JAK2: variants seen among roughly 807,000 people sequenced by gnomAD.
The protein encoded by JAK2 is Janus kinase 2, also known as tyrosine-protein kinase JAK2.
In JAK2, 86 loss-of-function variants were observed where a neutral mutation model predicts 139.3. The observed-to-expected ratio is 0.62, with a 90% confidence interval of 0.52 to 0.74. The LOEUF is 0.74. JAK2 is among the 30% of genes least tolerant of loss of function. The probability of loss-of-function intolerance (pLI) is 0.00; values close to 1 mark genes in which losing one functional copy is unlikely to be tolerated. For missense variants in JAK2, 1,421 were observed against 1,360.3 expected, an observed-to-expected ratio of 1.04 and a Z score of -0.70; for synonymous variants, 490 against 437.7, an observed-to-expected ratio of 1.12 and a Z score of -1.49.
intron 22 of JAK2, chr9:5,097,076 A>T (rs1586786552): frequency 6.6e-6 from 1 of 152,096 alleles, no homozygotes; most frequent in Admixed American, 6.5e-5. Context: ...AACCTAACAC[A>T]TGCAGGATCC....
At chr9:5,125,485 T>A (rs1564028810) in intron 23 of JAK2, among the ~76,000 whole-genome samples, 1 of 151,466 alleles carries the variant, frequency 6.6e-6, no homozygotes. Flanking sequence ...AACATCCTCA[T>A]GCATAAATAT....
chr9:4,993,267 T>G (rs6476934), intron 2 of JAK2, among the ~76,000 whole-genome samples: 7,902 of 152,284 alleles, frequency 0.052, 286 homozygotes, highest in African/African-American at 0.11. Context: ...AAAGGATCTA[T>G]GAGGTACTGA....
intron 2 of JAK2, 99 bp from the exon 3 acceptor site, chr9:5,021,864 C>T: frequency 1.6e-6 from 1 of 644,608 alleles, no homozygotes; most frequent in Non-Finnish European, 2.7e-6. Context: ...AACTTCTGGG[C>T]TCAAGCTATC....
intron 22 of JAK2, among the ~76,000 whole-genome samples, chr9:5,104,544 T>TCC (rs1269901370): frequency 1.3e-5 from 2 of 152,318 alleles, no homozygotes; most frequent in East Asian, 3.9e-4. Context: ...GAGGGAATCC[T>TCC]CCCTAACTCA....
intron 2 of JAK2, among the ~76,000 whole-genome samples, chr9:5,002,251 C>G (rs923082344): frequency 5.3e-5 from 8 of 151,726 alleles, no homozygotes; most frequent in Non-Finnish European, 1.0e-4. Flanking sequence ...AATTTCATAT[C>G]TTTCTTCTTT....
At chr9:4,986,385 T>A (rs1819952336) in intron 2 of JAK2, among the ~76,000 whole-genome samples, 1 of 152,186 alleles carries the variant, frequency 6.6e-6, no homozygotes, top group East Asian at 1.9e-4. Flanking sequence ...CGTTAGCTAT[T>A]CTTGCTGGGG....
intron 22 of JAK2, chr9:5,097,960 C>T (rs901664135): frequency 2.6e-5 from 4 of 152,276 alleles, no homozygotes; most frequent in East Asian, 1.9e-4. Flanking sequence ...TTGGCCTATC[C>T]GGTATGCCGC....
In JAK2 at chr9:5,127,837, G is replaced by C; in HGVS notation, c.*1046G>C. 1 of 232,482 alleles carries C rather than the reference G, an allele frequency of 4.3e-6. No individual in the cohort carries two copies. Among genetic ancestry groups the C allele is most frequent in the East Asian group, 6.0e-5 (1 of 16,576 alleles). The allele number at this position is 232,482 out of a possible 1,614,324, so 14.4% of individuals were successfully genotyped here. On this transcript the variant is annotated 3_prime_UTR_variant, in exon 25 of 25. Transcript: ENST00000381652. ...TATATTTGAGGGGTTTCAGAATTTTGCATTGCAGTCATAGAAGAGATTTAT... is the reference window on the plus strand; with the variant it reads ...TATATTTGAGGGGTTTCAGAATTTTCCATTGCAGTCATAGAAGAGATTTAT...
chr9:5,065,974 C>T (rs752399909), intron 9 of JAK2, among the ~76,000 whole-genome samples: 2 of 152,096 alleles, frequency 1.3e-5, no homozygotes, highest in African/African-American at 4.8e-5. Context: ...CTGTAATTTA[C>T]ATGTTTAATA....
intron 9 of JAK2, among the ~76,000 whole-genome samples, chr9:5,065,246 A>G (rs1327118236): frequency 6.6e-6 from 1 of 152,236 alleles, no homozygotes; most frequent in Non-Finnish European, 1.5e-5. Context: ...TATAATATTT[A>G]TAAGTTGTAC....
chr9:5,072,668 T>A, intron 13 of JAK2, 42 bp downstream of exon 13: 1 of 1,470,670 alleles, frequency 6.8e-7, no homozygotes. Flanking sequence ...TTATGCTGTT[T>A]AAAGATGTGC....
intron 2 of JAK2, among the ~76,000 whole-genome samples, chr9:4,987,984 G>A (rs548953877): frequency 1.3e-5 from 2 of 152,142 alleles, no homozygotes; most frequent in East Asian, 3.9e-4. Flanking sequence ...AGAGATAAAG[G>A]ACTTCAAGGT....
At chr9:5,121,128 A>G (rs942711021) in intron 22 of JAK2, among the ~76,000 whole-genome samples, 1 of 152,196 alleles carries the variant, frequency 6.6e-6, no homozygotes, top group Admixed American at 6.5e-5. Flanking sequence ...AGTGTTGGGA[A>G]AGTATAATTG....
At chr9:5,119,462 G>A (rs1823452270) in intron 22 of JAK2, among the ~76,000 whole-genome samples, 1 of 151,824 alleles carries the variant, frequency 6.6e-6, no homozygotes, top group Non-Finnish European at 1.5e-5. Flanking sequence ...TATAAGCTTT[G>A]GGACCTGTAT....
intron 4 of JAK2, among the ~76,000 whole-genome samples, chr9:5,040,107 A>G (rs1189894301): frequency 1.3e-5 from 2 of 152,240 alleles, no homozygotes; most frequent in Non-Finnish European, 2.9e-5. Context: ...AAGGATGAAT[A>G]TACAGATTAA....
intron 8 of JAK2, among the ~76,000 whole-genome samples, chr9:5,057,551 C>A (rs1817850860): frequency 6.6e-6 from 1 of 151,078 alleles, no homozygotes; most frequent in South Asian, 2.1e-4. Context: ...TCCCCCTCTT[C>A]CCAATCCTTG....
intron 2 of JAK2, among the ~76,000 whole-genome samples, chr9:4,989,122 T>G (rs1457589894): frequency 6.6e-6 from 1 of 152,198 alleles, no homozygotes; most frequent in Admixed American, 6.5e-5. Flanking sequence ...CATTTTCTAC[T>G]TATTAAATTT....
At chr9:5,008,976 T>G (rs1234352641) in intron 2 of JAK2, among the ~76,000 whole-genome samples, 1 of 152,212 alleles carries the variant, frequency 6.6e-6, no homozygotes, top group Non-Finnish European at 1.5e-5. Flanking sequence ...TCTTCCAAAT[T>G]ATGAGTTTGA....
chr9:4,990,814 G>A (rs1820199668), intron 2 of JAK2, among the ~76,000 whole-genome samples: 1 of 152,122 alleles, frequency 6.6e-6, no homozygotes, highest in African/African-American at 2.4e-5. Context: ...TTAATATTTT[G>A]TTCTCTCCGG....
Sources: gnomAD v4.1 joint callset for allele counts (sites outside exome capture counted in the v4.1 genomes callset) on GRCh38, gnomAD v4.1.1 for gene constraint, MANE v1.5 for transcripts, NCBI Gene and HGNC (gene_info 2026-07-23, HGNC 2026-07-21) for gene names.